Variants in CUL5 observed in about 807,000 individuals in gnomAD.
CUL5 encodes the protein cullin-5.
CUL5 carries 26 observed loss-of-function variants against 108.8 expected under a neutral mutation model. The ratio of observed to expected loss-of-function variants is 0.24; its 90% CI spans 0.18 to 0.33. The LOEUF is 0.33. CUL5 is among the 10% of genes least tolerant of loss of function. The pLI is 1.00. For synonymous variants in CUL5, 334 were observed against 298.0 expected (o/e 1.12, Z -1.25); for missense variants, 524 against 909.2 (o/e 0.58, Z 5.45).
chr11:108,079,532 C>T (rs1049029744), intron 11 of CUL5, among the ~76,000 whole-genome samples: 2 of 152,172 alleles, frequency 1.3e-5, no homozygotes, highest in Admixed American at 1.3e-4. Flanking sequence ...AAAGAAGTTG[C>T]AGGCATCAGT....
chr11:108,069,297 G>T (rs1863765334), intron 7 of CUL5, among the ~76,000 whole-genome samples: 1 of 151,966 alleles, frequency 6.6e-6, no homozygotes, highest in Non-Finnish European at 1.5e-5. Flanking sequence ...ACCTTCCTTT[G>T]TTCTTCCTTC....
At position 108,098,437 on chromosome 11, in the gene CUL5, A is replaced by G. The variant is rs1386593366; in HGVS notation, c.2056A>G (p.Ile686Val). ...TGCAAAGGTTCAGAAAAGGGGTAAA[A>G]TCAACTTGATTGGACGTTTGCAGCT... ...KNAKVQKRGK[I>V]NLIGRLQLTT... Residue 686 changes from isoleucine to valine, a missense_variant, in exon 18 of 19, where the codon ATC becomes GTC. Ile to Val is a conservative substitution (Grantham distance 29, BLOSUM62 3). Coordinates refer to ENST00000393094, the MANE Select transcript of CUL5 (RefSeq NM_003478.6). 1.2e-6 allele frequency: 2 copies of G among 1,606,448 alleles called. No homozygotes were observed.
chr11:108,027,516 C>T (rs1039055321), intron 1 of CUL5, among the ~76,000 whole-genome samples: 3 of 152,080 alleles, frequency 2.0e-5, no homozygotes, highest in African/African-American at 7.2e-5. Flanking sequence ...AAGTCATCCA[C>T]CCACCCCGGC....
At chr11:108,060,432 G>A (rs1312096476) in intron 7 of CUL5, among the ~76,000 whole-genome samples, 1 of 152,138 alleles carries the variant, frequency 6.6e-6, no homozygotes, top group Non-Finnish European at 1.5e-5. Flanking sequence ...CTGAGGCAAA[G>A]CAAACTATTC....
Position 108,026,039 on chromosome 11 carries a change from A to G in CUL5, c.25-7763A>G, listed in dbSNP as rs77156257. 7.5e-3 allele frequency among the ~76,000 whole-genome samples: 1,144 copies of G among 152,272 alleles called. 19 individuals are homozygous for G. The highest frequency in any genetic ancestry group is 0.026 in the African/African-American group (1,061 of 41,544). Reference sequence around the variant, plus strand: ...ATCTGGTTCCTGTTATTCTGTCATGATGGGAAGCAGAAGTCTCTTTCTCTT... The same window carrying G: ...ATCTGGTTCCTGTTATTCTGTCATGGTGGGAAGCAGAAGTCTCTTTCTCTT... On this transcript the variant is annotated intron_variant, in intron 1 of 18. Coordinates refer to ENST00000393094, the MANE Select transcript of CUL5 (RefSeq NM_003478.6).
chr11:108,072,684 G>A (rs566492759), intron 9 of CUL5, among the ~76,000 whole-genome samples: 37 of 152,174 alleles, frequency 2.4e-4, no homozygotes, highest in African/African-American at 8.4e-4. Context: ...TATATTTCAA[G>A]ATAGAAGAGA....
chr11:108,089,682 C>A, intron 13 of CUL5, 59 bp downstream of exon 13: 1 of 898,432 alleles, frequency 1.1e-6, no homozygotes, highest in Non-Finnish European at 1.6e-6. Flanking sequence ...TATATGTGTG[C>A]TTAAGTAATA....
At chr11:108,084,161 G>A (rs1275344204) in intron 11 of CUL5, among the ~76,000 whole-genome samples, 1 of 152,188 alleles carries the variant, frequency 6.6e-6, no homozygotes, top group Non-Finnish European at 1.5e-5. Context: ...TTCTGAGGAG[G>A]AGTGGAGTAG....
chr11:108,030,724 C>T (rs561189469), intron 1 of CUL5, among the ~76,000 whole-genome samples: 1 of 152,140 alleles, frequency 6.6e-6, no homozygotes, highest in Non-Finnish European at 1.5e-5. Context: ...GAACTATGTT[C>T]GTGAATATAA....
Position 108,009,204 on chromosome 11 carries a change from G to A in CUL5, c.-145G>A. The A allele has an allele frequency of 5.1e-6, 4 of 781,522 alleles. No individual in the cohort carries two copies. Among genetic ancestry groups the A allele is most frequent in the East Asian group, 2.6e-5 (1 of 38,104 alleles). The allele number at this position is 781,522 out of a possible 1,614,324, so 48.4% of individuals were successfully genotyped here. A position where few individuals can be genotyped will look rare whatever the true frequency, so the allele number is the denominator to read the frequency against. ...TGGTGCTTGGGACGAGGTCAGCGCT[G>A]TCGGCGCGCTGCTCCAGCGCCCACC... On this transcript the variant is annotated 5_prime_UTR_variant, in exon 1 of 19. Transcript: ENST00000393094.
intron 7 of CUL5, among the ~76,000 whole-genome samples, chr11:108,067,790 T>G (rs7120705): frequency 0.71 from 108,519 of 152,160 alleles, 39,868 homozygotes; most frequent in East Asian, 0.93. Flanking sequence ...TTTCACTGCT[T>G]AAGGTGGAAG....
chr11:108,073,332 A>T (rs1485229568), intron 9 of CUL5, 58 bp from the exon 10 acceptor site: 1 of 759,572 alleles, frequency 1.3e-6, no homozygotes, highest in African/African-American at 1.8e-5. Context: ...TTATTTTCTC[A>T]TTTTTTTGTG....
chr11:108,060,694 G>A (rs374624388), intron 7 of CUL5, among the ~76,000 whole-genome samples: 3 of 151,912 alleles, frequency 2.0e-5, no homozygotes, highest in South Asian at 2.1e-4. Flanking sequence ...AAAATTACCC[G>A]GGCATGGTGG....
At position 108,046,351 on chromosome 11, in the gene CUL5, T is replaced by G; in HGVS notation, c.216T>G (p.Phe72Leu). ...HQALKEDILE[F>L]IKQAQARVLS... ...CTTTAAAAGAAGATATTCTTGAGTT[T>G]ATTAAGCAAGCACAGGCAGTAAGTT... The change falls in exon 3 of 19, where the codon TTT becomes TTG. Residue 72 changes from phenylalanine (F) to leucine (L), a missense_variant. Physicochemically the swap from Phe to Leu is conservative, Grantham distance 22. Around this residue, in one of 8 missense-constraint regions of CUL5, gnomAD observed 76 missense variants for 90.8 expected, o/e 0.84. Coordinates refer to ENST00000393094, the MANE Select transcript of CUL5 (RefSeq NM_003478.6). The G allele has an allele frequency of 6.2e-7, 1 of 1,610,396 alleles. No homozygotes were observed. The highest frequency in any genetic ancestry group is 8.5e-7 in the Non-Finnish European group (1 of 1,177,184).
chr11:108,059,600 C>T (rs576979176), intron 7 of CUL5, among the ~76,000 whole-genome samples: 28 of 152,142 alleles, frequency 1.8e-4, no homozygotes, highest in East Asian at 3.9e-4. Context: ...TGGAATAGGC[C>T]GGGCGCGGTG....
chr11:108,009,096 C>T lies in CUL5; in HGVS notation c.-253C>T, dbSNP rs1704700640. On this transcript the variant is annotated 5_prime_UTR_variant, in exon 1 of 19. Coordinates refer to ENST00000393094, the MANE Select transcript of CUL5 (RefSeq NM_003478.6). ...CGTTACCTTCTCAGCATTCGCCGTTCCGGTCTTCCTGAGCGCGTGCATGAG... is the reference window on the plus strand; with the variant it reads ...CGTTACCTTCTCAGCATTCGCCGTTTCGGTCTTCCTGAGCGCGTGCATGAG... 5.4e-6 allele frequency: 3 copies of T among 552,722 alleles called. No homozygotes were observed. In the South Asian group the frequency reaches 7.2e-5, roughly 13 times the overall value. 34.2% of individuals were successfully genotyped at this position (552,722 alleles called of 1,614,324 possible).
chr11:108,098,685 T>C (rs1295402077), intron 18 of CUL5, among the ~76,000 whole-genome samples, 156 bp downstream of exon 18: 1 of 151,714 alleles, frequency 6.6e-6, no homozygotes, highest in Non-Finnish European at 1.5e-5. Flanking sequence ...TGAGGCAGGA[T>C]TTCTTGGGCA....
rs1390350510 is a variant in CUL5, at chr11:108,104,943, A to G, written c.*559A>G. 2 of 152,638 alleles carry G rather than the reference A, an allele frequency of 1.3e-5. No homozygotes were observed. The highest frequency in any genetic ancestry group is 2.9e-5 in the Non-Finnish European group (2 of 68,032). The allele number at this position is 152,638 out of a possible 1,614,324, so 9.5% of individuals were successfully genotyped here. The stretch of plus-strand genomic sequence containing the variant: ...TTTAATAGTATCAAATTGTTCAAAC[A>G]TTGCTCAGTATAATAACTGGATTTT... On this transcript the variant is annotated 3_prime_UTR_variant, in exon 19 of 19. Transcript: ENST00000393094.
At chr11:108,074,835 A>T (rs887882991) in intron 10 of CUL5, among the ~76,000 whole-genome samples, 7 of 152,100 alleles carry the variant, frequency 4.6e-5, no homozygotes, top group Non-Finnish European at 1.0e-4. Context: ...AATAAAACAA[A>T]TAAGTAGGTA....
Sources: gnomAD v4.1 joint callset for allele counts (sites outside exome capture counted in the v4.1 genomes callset) on GRCh38, gnomAD v4.1.1 for gene constraint, gnomAD v4.1.1 regional missense constraint, MANE v1.5 for transcripts, NCBI Gene and HGNC (gene_info 2026-07-23, HGNC 2026-07-21) for gene names.